LRRC8D: variants seen among roughly 807,000 people sequenced by gnomAD.
LRRC8D encodes leucine rich repeat containing 8 VRAC subunit D.
A neutral mutation model predicts 55.8 loss-of-function variants in LRRC8D; 20 were observed. The ratio of observed to expected loss-of-function variants is 0.36; its 90% CI spans 0.25 to 0.52. The LOEUF is 0.52. Among genes scored for constraint, LRRC8D ranks in the 20% least tolerant of loss-of-function variants. The pLI is 0.93. For missense variants in LRRC8D, 651 were observed against 1,030.8 expected, an observed-to-expected ratio of 0.63 and a Z score of 5.05; for synonymous variants, 352 against 377.0, an observed-to-expected ratio of 0.93 and a Z score of 0.77.
intron 2 of LRRC8D, among the ~76,000 whole-genome samples, chr1:89,851,997 A>AT (rs11288741): frequency 2.3e-4 from 35 of 149,762 alleles, no homozygotes; most frequent in African/African-American, 3.7e-4. Flanking sequence ...TAATAGCTGT[A>AT]TTTTTTTTTT....
intron 1 of LRRC8D, among the ~76,000 whole-genome samples, chr1:89,823,085 A>G (rs151306027): frequency 6.6e-6 from 1 of 152,324 alleles, no homozygotes; most frequent in African/African-American, 2.4e-5. Flanking sequence ...GTTTATTTAT[A>G]TATTTGAACA....
At chr1:89,848,357 C>T (rs1280478239) in intron 2 of LRRC8D, among the ~76,000 whole-genome samples, 1 of 152,144 alleles carries the variant, frequency 6.6e-6, no homozygotes, top group African/African-American at 2.4e-5. Flanking sequence ...AGAGGCTTCC[C>T]AATCTTAACC....
intron 2 of LRRC8D, among the ~76,000 whole-genome samples, chr1:89,852,324 A>G (rs548610459): frequency 1.8e-4 from 27 of 152,346 alleles, no homozygotes; most frequent in African/African-American, 6.3e-4. Flanking sequence ...TTTCTCATTC[A>G]GATTCCTCTG....
At chr1:89,919,278 C>CA (rs1663352812) in intron 2 of LRRC8D, among the ~76,000 whole-genome samples, 1 of 152,162 alleles carries the variant, frequency 6.6e-6, no homozygotes, top group Non-Finnish European at 1.5e-5. Context: ...GCAAGATACT[C>CA]AGGTTCTTTT....
At chr1:89,932,959 T>G in intron 2 of LRRC8D, 108 bp from the exon 3 acceptor site, 1 of 858,652 alleles carries the variant, frequency 1.2e-6, no homozygotes, top group East Asian at 2.6e-5. Flanking sequence ...GATAAAAAGA[T>G]AGGACCTGAA....
At chr1:89,847,204 T>C (rs530142178) in intron 2 of LRRC8D, among the ~76,000 whole-genome samples, 1 of 152,240 alleles carries the variant, frequency 6.6e-6, no homozygotes, top group African/African-American at 2.4e-5. Context: ...TGTAAAATTA[T>C]GGTTTAATTT....
At chr1:89,921,344 AAAC>A (rs1663413195) in intron 2 of LRRC8D, among the ~76,000 whole-genome samples, 1 of 152,160 alleles carries the variant, frequency 6.6e-6, no homozygotes, top group African/African-American at 2.4e-5. Context: ...ATTTCAAAAA[AAAC>A]AACAAAAAAG....
intron 2 of LRRC8D, among the ~76,000 whole-genome samples, chr1:89,870,340 G>T (rs561885898): frequency 6.6e-6 from 1 of 150,888 alleles, no homozygotes; most frequent in South Asian, 2.1e-4. Flanking sequence ...GCTAGACGTG[G>T]TGGCACGTGC....
intron 2 of LRRC8D, among the ~76,000 whole-genome samples, chr1:89,863,866 T>C (rs566457232): frequency 3.0e-4 from 46 of 152,366 alleles, no homozygotes; most frequent in African/African-American, 1.1e-3. Context: ...GGGAAAAATT[T>C]CCCAGGGTTG....
At chr1:89,823,928 G>T (rs1241496619) in intron 1 of LRRC8D, among the ~76,000 whole-genome samples, 1 of 152,196 alleles carries the variant, frequency 6.6e-6, no homozygotes, top group Non-Finnish European at 1.5e-5. Flanking sequence ...ACTAATAAAG[G>T]AGGGTAGAGG....
chr1:89,872,747 T>G (rs1302518190), intron 2 of LRRC8D, among the ~76,000 whole-genome samples: 2 of 152,116 alleles, frequency 1.3e-5, no homozygotes, highest in Non-Finnish European at 2.9e-5. Flanking sequence ...ACTTTGCCCC[T>G]CCCCTCTTAG....
At chr1:89,896,156 C>T (rs946038294) in intron 2 of LRRC8D, among the ~76,000 whole-genome samples, 1 of 152,102 alleles carries the variant, frequency 6.6e-6, no homozygotes, top group Non-Finnish European at 1.5e-5. Flanking sequence ...GGCATATTGC[C>T]GGGACTTGGA....
chr1:89,881,080 G>A (rs1365542877), intron 2 of LRRC8D, among the ~76,000 whole-genome samples: 3 of 152,058 alleles, frequency 2.0e-5, no homozygotes, highest in African/African-American at 4.8e-5. Flanking sequence ...TTACCTATGG[G>A]CTCTTAACTA....
chr1:89,855,998 G>A (rs533224066), intron 2 of LRRC8D, among the ~76,000 whole-genome samples: 76 of 151,934 alleles, frequency 5.0e-4, no homozygotes, highest in African/African-American at 1.7e-3. Context: ...ATCAAGATAT[G>A]TATGTATAAT....
intron 2 of LRRC8D, among the ~76,000 whole-genome samples, chr1:89,860,785 AAT>A (rs35932362): frequency 0.037 from 1,033 of 28,168 alleles, 40 homozygotes; most frequent in South Asian, 0.063. Context: ...AAAAAAAAAA[AAT>A]ATATATATAT....
chr1:89,919,929 CT>C (rs1212686086), intron 2 of LRRC8D, among the ~76,000 whole-genome samples: 4 of 152,136 alleles, frequency 2.6e-5, no homozygotes. Context: ...TACTGAAGCT[CT>C]TGTGAAATTC....
rs1358465729 is a variant in LRRC8D at position 89,865,329 on chromosome 1, A to ATT, written c.-3+21548_-3+21549dup. Among the ~76,000 whole-genome samples, 12 of 101,022 alleles carry ATT rather than the reference A, an allele frequency of 1.2e-4. No homozygotes were observed. The East Asian group carries it at 1.5e-3, about 13-fold the overall frequency. The allele number at this position is 101,022 out of a possible 152,430, so 66.3% of individuals were successfully genotyped here. A position where few individuals can be genotyped will look rare whatever the true frequency, so the allele number is the denominator to read the frequency against. ...TGTACTAAATATGTATAAACATGAA[A>ATT]TTATATATATATATATATATATATA... On this transcript the variant is annotated intron_variant, in intron 2 of 2. Coordinates refer to ENST00000337338, the MANE Select transcript of LRRC8D (RefSeq NM_001134479.2).
At chr1:89,927,077 A>G (rs1375303191) in intron 2 of LRRC8D, among the ~76,000 whole-genome samples, 3 of 152,188 alleles carry the variant, frequency 2.0e-5, no homozygotes, top group Admixed American at 6.5e-5. Flanking sequence ...CTTCTTTTCT[A>G]TGGCAGAATC....
chr1:89,894,207 C>T (rs537221427), intron 2 of LRRC8D, among the ~76,000 whole-genome samples: 2 of 152,316 alleles, frequency 1.3e-5, no homozygotes, highest in South Asian at 2.1e-4. Flanking sequence ...TCACCAAACT[C>T]GGCTGTGTTG....
Sources: gnomAD v4.1 joint callset for allele counts (sites outside exome capture counted in the v4.1 genomes callset) on GRCh38, gnomAD v4.1.1 for gene constraint, MANE v1.5 for transcripts, NCBI Gene and HGNC (gene_info 2026-07-23, HGNC 2026-07-21) for gene names.